Variants in NKD2 observed in about 807,000 individuals in gnomAD.
NKD2 encodes protein naked cuticle homolog 2.
Under a neutral mutation model 34.8 loss-of-function variants are expected in NKD2, and 43 were observed. The observed-to-expected ratio is 1.24, with a 90% confidence interval of 0.97 to 1.60. NKD2 has a LOEUF of 1.60. Ranked by LOEUF, NKD2 falls within the 40% of genes most tolerant of loss-of-function variation. The pLI is 0.00. For synonymous variants in NKD2, 278 were observed against 265.1 expected (o/e 1.05, Z -0.47); for missense variants, 675 against 627.1 (o/e 1.08, Z -0.82).
chr5:1,027,754 C>G (rs1756479829), intron 3 of NKD2, among the ~76,000 whole-genome samples: 1 of 152,230 alleles, frequency 6.6e-6, no homozygotes, highest in Non-Finnish European at 1.5e-5. Context: ...CCTCACGAGG[C>G]CCAGGAGGGG....
intron 3 of NKD2, among the ~76,000 whole-genome samples, chr5:1,031,875 G>A (rs1756657245): frequency 6.6e-6 from 1 of 152,156 alleles, no homozygotes; most frequent in Admixed American, 6.5e-5. Context: ...GATCCCCAGG[G>A]CAGCACTGAC....
At chr5:1,019,406 C>T (rs912549714) in intron 3 of NKD2, among the ~76,000 whole-genome samples, 7 of 152,286 alleles carry the variant, frequency 4.6e-5, no homozygotes, top group Admixed American at 1.3e-4. Flanking sequence ...TGGGCTGTGG[C>T]TTGTGTGGAC....
intron 5 of NKD2, 40 bp downstream of exon 5, chr5:1,033,539 T>C: frequency 6.6e-7 from 1 of 1,524,516 alleles, no homozygotes; most frequent in Non-Finnish European, 8.9e-7. Flanking sequence ...AACACGTCCC[T>C]GGGGCCGGGG....
intron 3 of NKD2, among the ~76,000 whole-genome samples, chr5:1,026,891 C>G (rs1406310303): frequency 2.0e-5 from 3 of 152,258 alleles, no homozygotes; most frequent in African/African-American, 4.8e-5. Context: ...AGGCGCCTAC[C>G]TTGCTCCTCA....
At chr5:1,030,783 A>G (rs1350993586) in intron 3 of NKD2, among the ~76,000 whole-genome samples, 1 of 152,172 alleles carries the variant, frequency 6.6e-6, no homozygotes, top group African/African-American at 2.4e-5. Context: ...TTTGTTTCTT[A>G]TTAAAATGAG....
In NKD2 at chr5:1,036,260, G is replaced by T. The variant is rs1181980935; in HGVS notation, c.663G>T (p.Arg221Ser). 6.2e-7 allele frequency: 1 copy of T among 1,602,518 alleles called. No individual in the cohort carries two copies. Among genetic ancestry groups the T allele is most frequent in the African/African-American group, 1.3e-5 (1 of 74,668 alleles). Reference protein sequence around the residue: ...ADRRLSAHVRRPSTDPQPCSE... With the variant: ...ADRRLSAHVRSPSTDPQPCSE... ...CCCTTCTCTGTGCTCCAAGCAGGAG[G>T]CCCAGTACTGACCCCCAGCCCTGCT... Residue 221 changes from arginine to serine, a missense_variant, in exon 9 of 10, where the codon AGG becomes AGT. Physicochemically the swap from Arg to Ser is moderately radical, Grantham distance 110. Coordinates refer to ENST00000296849, the MANE Select transcript of NKD2 (RefSeq NM_033120.4).
chr5:1,027,877 G>T (rs181545646), intron 3 of NKD2, among the ~76,000 whole-genome samples: 1 of 152,364 alleles, frequency 6.6e-6, no homozygotes, highest in East Asian at 1.9e-4. Flanking sequence ...GCCTGCACCG[G>T]CACTTCCAGG....
chr5:1,034,144 G>T (rs1415608620), intron 5 of NKD2, 91 bp from the exon 6 acceptor site: 5 of 926,742 alleles, frequency 5.4e-6, no homozygotes, highest in Non-Finnish European at 8.3e-6. Context: ...AGGGACCCCT[G>T]GGAAAGGCCC....
chr5:1,036,638 G>T, intron 9 of NKD2: 2 of 618,608 alleles, frequency 3.2e-6, no homozygotes, highest in Non-Finnish European at 6.0e-6. Context: ...TGTGTATGTG[G>T]CGGATGCGGG....
chr5:1,031,049 G>C (rs532281095), intron 3 of NKD2, among the ~76,000 whole-genome samples: 1 of 152,134 alleles, frequency 6.6e-6, no homozygotes, highest in Non-Finnish European at 1.5e-5. Context: ...ACCATACCCT[G>C]TTTGGACCCT....
intron 3 of NKD2, among the ~76,000 whole-genome samples, chr5:1,010,814 C>G (rs1033769003): frequency 1.3e-5 from 2 of 152,192 alleles, no homozygotes; most frequent in African/African-American, 2.4e-5. Flanking sequence ...GGTGGGCGGG[C>G]GTTCACCTCT....
At position 1,038,313 on chromosome 5, in the gene NKD2, GCACCACCAC is replaced by G. The variant is rs773287517; in HGVS notation, c.1303_1311del (p.His435_His437del). 4.6e-6 allele frequency: 7 copies of G among 1,538,204 alleles called. No homozygotes were observed. Among genetic ancestry groups the G allele is most frequent in the African/African-American group, 2.7e-5 (2 of 73,162 alleles). On this transcript the variant is annotated inframe_deletion, in exon 10 of 10. Coordinates refer to ENST00000296849, the MANE Select transcript of NKD2 (RefSeq NM_033120.4). The surrounding 1 kb of genome is among the most constrained non-coding windows in gnomAD (Gnocchi z 4.5). ...CGGTGCCAGTGATCCAGCGGCACGA[GCACCACCAC>G]CACCACGAGCACCACCACCACCACC...
chr5:1,037,422 C>G lies in NKD2; in HGVS notation c.788-383C>G. 3 of 1,130,582 alleles carry G rather than the reference C, an allele frequency of 2.7e-6. No homozygotes were observed. The South Asian group carries it at 4.4e-5, about 17-fold the overall frequency. The allele number at this position is 1,130,582 out of a possible 1,614,324, so 70.0% of individuals were successfully genotyped here. On this transcript the variant is annotated intron_variant, in intron 9 of 9. Transcript: ENST00000296849. Reference sequence around the variant, plus strand: ...GTTGTGAAGGTGGCAGTCCTGAGTCCTTCTCAAATCTATTTTGTAATGAGG... The same window carrying G: ...GTTGTGAAGGTGGCAGTCCTGAGTCGTTCTCAAATCTATTTTGTAATGAGG...
At chr5:1,035,020 ATGGG>A in intron 7 of NKD2, 117 bp downstream of exon 7, 1 of 956,170 alleles carries the variant, frequency 1.0e-6, no homozygotes, top group Non-Finnish European at 1.5e-6. Context: ...GGGTGAATGG[ATGGG>A]TGAGTGAGTG....
chr5:1,028,023 A>C (rs1489410499), intron 3 of NKD2, among the ~76,000 whole-genome samples: 1 of 151,610 alleles, frequency 6.6e-6, no homozygotes, highest in Admixed American at 6.6e-5. Flanking sequence ...TGGGGAACAC[A>C]CTCCTTTTGA....
chr5:1,018,248 C>T (rs575179265), intron 3 of NKD2, among the ~76,000 whole-genome samples: 1 of 152,284 alleles, frequency 6.6e-6, no homozygotes, highest in Non-Finnish European at 1.5e-5. Flanking sequence ...AGGAGCACCA[C>T]AGCTGCAGAC....
Position 1,009,646 on chromosome 5 carries a change from C to A in NKD2, c.141+86C>A. 8.8e-7 allele frequency: 1 copy of A among 1,139,298 alleles called. No individual in the cohort carries two copies. The highest frequency in any genetic ancestry group is 1.2e-6 in the Non-Finnish European group (1 of 865,608). The allele number at this position is 1,139,298 out of a possible 1,614,324, so 70.6% of individuals were successfully genotyped here. On this transcript the variant is annotated intron_variant, in intron 3 of 9. Transcript: ENST00000296849. The surrounding 1 kb of genome is among the most constrained non-coding windows in gnomAD (Gnocchi z 6.9). ...GTCAGAGCTGTTCCTGGTGCCCGCCCGCGGACAGGCGAGACGTGGGCCGCC... is the reference window on the plus strand; with the variant it reads ...GTCAGAGCTGTTCCTGGTGCCCGCCAGCGGACAGGCGAGACGTGGGCCGCC...
chr5:1,030,539 G>A (rs1756605895), intron 3 of NKD2, among the ~76,000 whole-genome samples: 1 of 152,144 alleles, frequency 6.6e-6, no homozygotes, highest in Non-Finnish European at 1.5e-5. Context: ...CCATTATTCT[G>A]ATTTTGAAAT....
chr5:1,008,852 C>G lies in NKD2; in HGVS notation c.-206C>G, dbSNP rs1314023936. 3.0e-6 allele frequency: 1 copy of G among 335,542 alleles called. No homozygotes were observed. The highest frequency in any genetic ancestry group is 5.4e-6 in the Non-Finnish European group (1 of 186,614). 20.8% of individuals were successfully genotyped at this position (335,542 alleles called of 1,614,324 possible). A position where few individuals can be genotyped will look rare whatever the true frequency, so the allele number is the denominator to read the frequency against. ...CCGCCGCTGTCCCCGCGCCCTGCGC[C>G]CGGTGGCCCCCCACCTCCGCCCCGC... On this transcript the variant is annotated 5_prime_UTR_variant, in exon 1 of 10. Coordinates refer to ENST00000296849, the MANE Select transcript of NKD2 (RefSeq NM_033120.4).
Sources: gnomAD v4.1 joint callset for allele counts (sites outside exome capture counted in the v4.1 genomes callset) on GRCh38, gnomAD v4.1.1 for gene constraint, Gnocchi (gnomAD v3.1) non-coding constraint, MANE v1.5 for transcripts, NCBI Gene and HGNC (gene_info 2026-07-23, HGNC 2026-07-21) for gene names.